FAF1: variants seen among roughly 807,000 people sequenced by gnomAD.
FAF1 encodes the protein Fas associated factor 1, also known as FAS-associated factor 1.
A neutral mutation model predicts 92.5 loss-of-function variants in FAF1; 25 were observed. The ratio of observed to expected loss-of-function variants is 0.27; its 90% confidence interval spans 0.20 to 0.38. The LOEUF (loss-of-function observed/expected upper bound fraction) is 0.38. Among genes scored for constraint, FAF1 ranks in the 10% least tolerant of loss-of-function variants. The pLI is 1.00. For synonymous variants in FAF1, 234 were observed against 273.2 expected (o/e 0.86, Z 1.42); for missense variants, 636 against 793.3 (o/e 0.80, Z 2.38).
At chr1:50,743,774 G>GA (rs1043984295) in intron 5 of FAF1, among the ~76,000 whole-genome samples, 1 of 151,410 alleles carries the variant, frequency 6.6e-6, no homozygotes, top group South Asian at 2.1e-4. Context: ...CTCTCTGGAA[G>GA]AAAAAAAAGT....
At chr1:50,662,683 CTTTTTTTTTT>C (rs58193277) in intron 7 of FAF1, among the ~76,000 whole-genome samples, 19 of 77,602 alleles carry the variant, frequency 2.4e-4, no homozygotes, top group East Asian at 2.0e-3. Flanking sequence ...GAATTTGTAT[CTTTTTTTTTT>C]TTTTTTTTTT....
chr1:50,657,014 G>A (rs1655142831), intron 7 of FAF1, among the ~76,000 whole-genome samples: 1 of 151,816 alleles, frequency 6.6e-6, no homozygotes, highest in Non-Finnish European at 1.5e-5. Context: ...AGTTCAAGAT[G>A]AGCCTGGGCA....
At chr1:50,767,138 T>C (rs1371628576) in intron 4 of FAF1, among the ~76,000 whole-genome samples, 2 of 152,202 alleles carry the variant, frequency 1.3e-5, no homozygotes, top group African/African-American at 2.4e-5. Context: ...AGTGATCTGA[T>C]AGAGCTGAGA....
chr1:50,959,981 G>A lies in FAF1; in HGVS notation c.-170C>T, dbSNP rs1645303229. The A allele has an allele frequency of 2.5e-6, 1 of 394,818 alleles. No homozygotes were observed. The highest frequency in any genetic ancestry group is 3.7e-5 in the East Asian group (1 of 27,066). The allele number at this position is 394,818 out of a possible 1,614,324, so 24.5% of individuals were successfully genotyped here. A position where few individuals can be genotyped will look rare whatever the true frequency, so the allele number is the denominator to read the frequency against. ...CAGCGGGCGGGGCAGCGCGGGAAGC[G>A]CTAGGCGCTCATGCACTCGGTAACC... On this transcript the variant is annotated 5_prime_UTR_variant, in exon 1 of 19. Transcript: ENST00000396153.
At chr1:50,636,022 G>T (rs12120661) in intron 8 of FAF1, among the ~76,000 whole-genome samples, 1 of 152,146 alleles carries the variant, frequency 6.6e-6, no homozygotes, top group Non-Finnish European at 1.5e-5. Context: ...GGACATATAA[G>T]AAATGGCATG....
At chr1:50,912,732 C>G (rs1485305715) in intron 1 of FAF1, among the ~76,000 whole-genome samples, 2 of 152,178 alleles carry the variant, frequency 1.3e-5, no homozygotes, top group African/African-American at 2.4e-5. Flanking sequence ...ATGCCAGTGC[C>G]ACAGTGTAGG....
At chr1:50,818,382 C>G (rs1486084532) in intron 2 of FAF1, among the ~76,000 whole-genome samples, 1 of 152,092 alleles carries the variant, frequency 6.6e-6, no homozygotes, top group Non-Finnish European at 1.5e-5. Context: ...AAGCTGTATT[C>G]CCACAATTCC....
chr1:50,926,252 G>A (rs1028483020), intron 1 of FAF1, among the ~76,000 whole-genome samples: 1 of 151,998 alleles, frequency 6.6e-6, no homozygotes, highest in African/African-American at 2.4e-5. Flanking sequence ...AAACTACAAA[G>A]AAAAATAATG....
chr1:50,911,428 G>A (rs1323096317), intron 1 of FAF1, among the ~76,000 whole-genome samples: 2 of 151,000 alleles, frequency 1.3e-5, no homozygotes, highest in Admixed American at 1.3e-4. Flanking sequence ...GGGCGCGGTG[G>A]CTCACACCTG....
intron 13 of FAF1, among the ~76,000 whole-genome samples, chr1:50,545,220 C>T (rs1171649986): frequency 2.0e-5 from 3 of 152,022 alleles, no homozygotes; most frequent in Non-Finnish European, 4.4e-5. Context: ...AGCACATAAG[C>T]ATGTTAAAAA....
chr1:50,817,246 G>A (rs1350701008), intron 2 of FAF1, among the ~76,000 whole-genome samples: 1 of 152,170 alleles, frequency 6.6e-6, no homozygotes, highest in African/African-American at 2.4e-5. Context: ...CAACCCAAGT[G>A]TCAATCAACA....
In FAF1 at chr1:50,547,938, A is replaced by T. The variant is rs1244154972; in HGVS notation, c.1269-8210T>A. On this transcript the variant is annotated intron_variant, in intron 13 of 18. Transcript: ENST00000396153. The stretch of plus-strand genomic sequence containing the variant: ...AAGTACTTGAAAATTTCTTCATAAA[A>T]ATGGTGTTTACTTTTTCTCAAGTGT... 2.0e-5 allele frequency among the ~76,000 whole-genome samples: 3 copies of T among 152,274 alleles called. No homozygotes were observed. The East Asian group carries it at 5.8e-4, about 29-fold the overall frequency.
At position 50,703,051 on chromosome 1, in the gene FAF1, C is replaced by G. The variant is rs554956252; in HGVS notation, c.657+2735G>C. Among the ~76,000 whole-genome samples, 33 of 151,516 alleles carry G rather than the reference C, an allele frequency of 2.2e-4. No individual in the cohort carries two copies. The South Asian group carries it at 6.9e-3, about 32-fold the overall frequency. Reference sequence around the variant, plus strand: ...ATACACTAAAAAAATGACCAGGAACCTTTGTGTTTTGAACATTTTTTCCTT... The same window carrying G: ...ATACACTAAAAAAATGACCAGGAACGTTTGTGTTTTGAACATTTTTTCCTT... On this transcript the variant is annotated intron_variant, in intron 7 of 18. Transcript: ENST00000396153.
At chr1:50,539,766 T>C (rs1463674512) in intron 13 of FAF1, 38 bp from the exon 14 acceptor site, 3 of 1,512,730 alleles carry the variant, frequency 2.0e-6, no homozygotes, top group Admixed American at 3.5e-5. Flanking sequence ...TTTTGCTTTG[T>C]AGTTTAATAG....
At chr1:50,895,586 A>C (rs187261608) in intron 1 of FAF1, among the ~76,000 whole-genome samples, 3 of 152,264 alleles carry the variant, frequency 2.0e-5, no homozygotes, top group Non-Finnish European at 4.4e-5. Context: ...ATAACAAACA[A>C]ACAAACAAAA....
chr1:50,583,977 T>C lies in FAF1; in HGVS notation c.968-262A>G, dbSNP rs1435748337. On this transcript the variant is annotated intron_variant, in intron 10 of 18. Coordinates refer to ENST00000396153, the MANE Select transcript of FAF1 (RefSeq NM_007051.3). The surrounding 1 kb of genome is among the most constrained non-coding windows in gnomAD (Gnocchi z 4.2). ...GAAAAACCAATGGACACAATCCTGCTAAGCATTTAAAATATGTGCCCAGTT... is the reference window on the plus strand; with the variant it reads ...GAAAAACCAATGGACACAATCCTGCCAAGCATTTAAAATATGTGCCCAGTT... Among the ~76,000 whole-genome samples, 1 of 152,144 alleles carries C rather than the reference T, an allele frequency of 6.6e-6. No homozygotes were observed. The highest frequency in any genetic ancestry group is 1.5e-5 in the Non-Finnish European group (1 of 67,952).
intron 1 of FAF1, among the ~76,000 whole-genome samples, chr1:50,902,488 AG>A (rs1644803628): frequency 6.6e-6 from 1 of 152,220 alleles, no homozygotes; most frequent in South Asian, 2.1e-4. Context: ...CTTTAAAAGT[AG>A]GGCTACTTAA....
intron 2 of FAF1, among the ~76,000 whole-genome samples, chr1:50,815,592 A>G (rs1010397641): frequency 2.6e-5 from 4 of 152,188 alleles, no homozygotes; most frequent in African/African-American, 9.7e-5. Context: ...GTAGAACGGC[A>G]GTTCTTTTTA....
At chr1:50,786,643 G>A (rs547677285) in intron 4 of FAF1, among the ~76,000 whole-genome samples, 1 of 152,234 alleles carries the variant, frequency 6.6e-6, no homozygotes, top group South Asian at 2.1e-4. Context: ...CATGCAAATG[G>A]GTACAGGGTG....
Sources: gnomAD v4.1 joint callset for allele counts (sites outside exome capture counted in the v4.1 genomes callset) on GRCh38, gnomAD v4.1.1 for gene constraint, Gnocchi (gnomAD v3.1) non-coding constraint, MANE v1.5 for transcripts, NCBI Gene and HGNC (gene_info 2026-07-23, HGNC 2026-07-21) for gene names.